TDO2: variants seen among roughly 807,000 people sequenced by gnomAD.
The protein encoded by TDO2 is tryptophan 2,3-dioxygenase, also known as tryptamin 2,3-dioxygenase.
A neutral mutation model predicts 61.2 loss-of-function variants in TDO2; 63 were observed. That is an observed-to-expected ratio of 1.03 (90% CI 0.84 to 1.27). The LOEUF is 1.27. Among genes scored for constraint, TDO2 ranks in the 50% most tolerant of loss-of-function variants. The pLI is 0.00. For synonymous variants in TDO2, 183 were observed against 164.0 expected (o/e 1.12, Z -0.89); for missense variants, 494 against 469.5 (o/e 1.05, Z -0.48).
chr4:155,918,585 T>C (rs1209101092), intron 11 of TDO2, among the ~76,000 whole-genome samples: 2 of 152,258 alleles, frequency 1.3e-5, no homozygotes, highest in Non-Finnish European at 2.9e-5. Flanking sequence ...TCATTAATTC[T>C]ACTAATGTCT....
rs1742804549 is a variant in TDO2, at chr4:155,910,177, C to T, written c.584C>T (p.Ser195Phe). 6.3e-7 allele frequency: 1 copy of T among 1,589,092 alleles called. No homozygotes were observed. Among genetic ancestry groups the T allele is most frequent in the Non-Finnish European group, 8.5e-7 (1 of 1,170,992 alleles). The change falls in exon 6 of 12, where the codon TCT (serine) becomes TTT (phenylalanine). Residue 195 changes from serine to phenylalanine, a missense_variant. Coordinates refer to ENST00000536354, the MANE Select transcript of TDO2 (RefSeq NM_005651.4). ...GAAGAAAATGAACTGCTACTTAAAT[C>T]TGAGCAGGAAAAGACACTTCTGGAA... is the stretch of plus-strand genomic sequence containing the variant. ...KGEENELLLKSEQEKTLLELV... is the reference protein window; with the variant it reads ...KGEENELLLKFEQEKTLLELV...
rs1330410002 is a variant in TDO2 at position 155,910,047 on chromosome 4, G to A, written c.454G>A (p.Gly152Ser). 6.4e-7 allele frequency: 1 copy of A among 1,574,672 alleles called. No homozygotes were observed. Among genetic ancestry groups the A allele is most frequent in the Non-Finnish European group, 8.6e-7 (1 of 1,167,396 alleles). Residue 152 changes from glycine (G) to serine (S), a missense_variant, in exon 6 of 12, where the codon GGC becomes AGC. By Grantham distance (56) the Gly-to-Ser change is moderately conservative (BLOSUM62 0). Transcript: ENST00000536354. The stretch of plus-strand genomic sequence containing the variant: ...AAGAGAGTACTTATCTCCAGCATCA[G>A]GCTTCCAGAGTTTGCAATTCCGACT... ...DFREYLSPASGFQSLQFRLLE... is the reference protein window; with the variant it reads ...DFREYLSPASSFQSLQFRLLE...
At chr4:155,917,839 A>T (rs1742971029) in intron 10 of TDO2, among the ~76,000 whole-genome samples, 1 of 152,066 alleles carries the variant, frequency 6.6e-6, no homozygotes, top group African/African-American at 2.4e-5. Context: ...TTATTTTTTT[A>T]AATGAAGGAC....
chr4:155,914,375 A>T lies in TDO2; in HGVS notation c.779A>T (p.Gln260Leu), dbSNP rs1380092696. ...KEEQVAEFQK[Q>L]KEVLLSLFDE... ...GAACAGGTGGCTGAATTTCAGAAGC[A>T]AAAAGAGGTGCTACTGTCCTTATTT... Residue 260 changes from glutamine (Q) to leucine (L), a missense_variant, in exon 8 of 12, where the codon CAA becomes CTA. By Grantham distance (113) the Gln-to-Leu change is moderately radical. Coordinates refer to ENST00000536354, the MANE Select transcript of TDO2 (RefSeq NM_005651.4). 3.7e-6 allele frequency: 6 copies of T among 1,608,286 alleles called. No homozygotes were observed. The highest frequency in any genetic ancestry group is 5.1e-6 in the Non-Finnish European group (6 of 1,178,478).
chr4:155,913,592 T>A (rs1448211559), intron 7 of TDO2, among the ~76,000 whole-genome samples: 1 of 152,148 alleles, frequency 6.6e-6, no homozygotes, highest in African/African-American at 2.4e-5. Flanking sequence ...AATTCCTGTA[T>A]AATATCACGA....
intron 3 of TDO2, chr4:155,906,569 A>G (rs1742722817): frequency 6.6e-6 from 1 of 152,146 alleles, no homozygotes; most frequent in Non-Finnish European, 1.5e-5. Context: ...TAATTTATTC[A>G]TAAAAATAAA....
chr4:155,911,705 A>AT (rs1267772296), intron 7 of TDO2, 101 bp downstream of exon 7: 4 of 765,278 alleles, frequency 5.2e-6, no homozygotes, highest in South Asian at 5.6e-5. Flanking sequence ...TCTTTCTCAT[A>AT]TTTTTTTCTT....
chr4:155,906,493 T>A (rs1054258223), intron 3 of TDO2: 1 of 152,166 alleles, frequency 6.6e-6, no homozygotes. Flanking sequence ...TTGAACCAAA[T>A]AGGATGCACT....
intron 3 of TDO2, chr4:155,907,123 A>G (rs947993905): frequency 6.6e-5 from 10 of 152,196 alleles, no homozygotes; most frequent in African/African-American, 2.2e-4. Context: ...CAATTGCCAC[A>G]AAGTTCCCCC....
chr4:155,907,913 C>T, intron 4 of TDO2, 121 bp downstream of exon 4: 1 of 687,202 alleles, frequency 1.5e-6, no homozygotes, highest in Admixed American at 2.8e-5. Context: ...ATAGAACAAA[C>T]AGACATTTTA....
intron 3 of TDO2, chr4:155,907,011 C>T (rs1742730068): frequency 6.6e-6 from 1 of 152,160 alleles, no homozygotes; most frequent in African/African-American, 2.4e-5. Flanking sequence ...GGAGAACAAA[C>T]TTAATCCTTC....
intron 9 of TDO2, among the ~76,000 whole-genome samples, chr4:155,916,985 A>G (rs1165672012): frequency 6.7e-6 from 1 of 149,778 alleles, no homozygotes; most frequent in Non-Finnish European, 1.5e-5. Context: ...CAACAACAAA[A>G]AAAACAAAAC....
chr4:155,915,984 C>A, intron 9 of TDO2, 72 bp downstream of exon 9: 2 of 1,282,114 alleles, frequency 1.6e-6, no homozygotes, highest in South Asian at 1.4e-5. Context: ...CAGTATAAAG[C>A]CTAAAAATTA....
intron 5 of TDO2, among the ~76,000 whole-genome samples, chr4:155,909,499 T>G (rs182070487): frequency 7.2e-5 from 11 of 152,096 alleles, no homozygotes; most frequent in Non-Finnish European, 1.3e-4. Flanking sequence ...GAAACTTCCA[T>G]TGGGTGTAGG....
chr4:155,914,559 G>A, intron 8 of TDO2, 125 bp downstream of exon 8: 1 of 639,936 alleles, frequency 1.6e-6, no homozygotes. Flanking sequence ...TCTACTGATA[G>A]AAACAAAAAT....
chr4:155,917,349 C>A, intron 9 of TDO2, 46 bp from the exon 10 acceptor site: 1 of 1,509,648 alleles, frequency 6.6e-7, no homozygotes, highest in Non-Finnish European at 9.0e-7. Flanking sequence ...CTAACACACT[C>A]GATTTACTTG....
chr4:155,907,404 A>G (rs1437382037), intron 3 of TDO2: 1 of 216,724 alleles, frequency 4.6e-6, no homozygotes, highest in Non-Finnish European at 9.0e-6. Flanking sequence ...TCCAGCTTCC[A>G]TAGAGGAAGC....
intron 6 of TDO2, among the ~76,000 whole-genome samples, chr4:155,910,593 A>C (rs1404158994): frequency 6.6e-6 from 1 of 152,154 alleles, no homozygotes; most frequent in Non-Finnish European, 1.5e-5. Flanking sequence ...CCAGTTATTT[A>C]GTATTTTTCT....
At chr4:155,909,101 C>A in intron 5 of TDO2, 87 bp downstream of exon 5, 3 of 1,347,882 alleles carry the variant, frequency 2.2e-6, no homozygotes, top group South Asian at 1.6e-5. Context: ...TGTTTTGTGC[C>A]ATGAGGAGCC....
Sources: allele counts gnomAD v4.1 joint callset (sites outside exome capture counted in the v4.1 genomes callset), GRCh38; gene constraint gnomAD v4.1.1; transcripts MANE v1.5; gene names NCBI Gene and HGNC (gene_info 2026-07-23, HGNC 2026-07-21).